PAQR5: variants seen among roughly 807,000 people sequenced by gnomAD.
PAQR5 encodes membrane progestin receptor gamma.
PAQR5 carries 20 observed loss-of-function variants against 34.5 expected under a neutral mutation model. The observed-to-expected ratio is 0.58, with a 90% CI of 0.41 to 0.84. The LOEUF (loss-of-function observed/expected upper bound fraction) is 0.84, where lower values mean the gene tolerates loss of function less well. Among genes scored for constraint, PAQR5 ranks in the 40% least tolerant of loss-of-function variants. The probability of loss-of-function intolerance (pLI) is 0.00; values close to 1 mark genes in which losing one functional copy is unlikely to be tolerated. For missense variants in PAQR5, 378 were observed against 412.7 expected (o/e 0.92, Z 0.73); for synonymous variants, 131 against 155.6 (o/e 0.84, Z 1.18).
Position 69,385,029 on chromosome 15 carries a change from G to A in PAQR5, c.385+147G>A, listed in dbSNP as rs114465346. The A allele has an allele frequency of 5.1e-3, 3,242 of 633,992 alleles. 90 individuals carry two copies. In the African/African-American group the frequency reaches 0.053, roughly 10 times the overall value. 39.3% of individuals were successfully genotyped at this position (633,992 alleles called of 1,614,324 possible). ...GTGCCCCTGTCCAGGTTCCCAATGG[G>A]TGTTTTATAAGAAACTGTCCATAAG... On this transcript the variant is annotated intron_variant, in intron 5 of 8. Transcript: ENST00000395407. This position sits in a 1 kb window ranked among gnomAD's most constrained non-coding sequence, Gnocchi z 4.7.
chr15:69,337,407 T>C lies in PAQR5; in HGVS notation c.-210T>C, dbSNP rs908720167. ...TGGAATGGCATGCTTCCTTTAAAGA[T>C]GAAAGTTGACTTTTAGAGCCAATTA... On this transcript the variant is annotated 5_prime_UTR_variant, in exon 2 of 9. The change abolishes an upstream ATG in the 5' untranslated region. Coordinates refer to ENST00000395407, the MANE Select transcript of PAQR5 (RefSeq NM_017705.4). 1.5e-4 allele frequency: 23 copies of C among 152,416 alleles called. No individual in the cohort carries two copies. Among genetic ancestry groups the C allele is most frequent in the African/African-American group, 4.8e-4 (20 of 41,594 alleles). The allele number at this position is 152,416 out of a possible 1,614,324, so 9.4% of individuals were successfully genotyped here. A position where few individuals can be genotyped will look rare whatever the true frequency, so the allele number is the denominator to read the frequency against.
intron 7 of PAQR5, among the ~76,000 whole-genome samples, chr15:69,398,310 G>T (rs1294758777): frequency 6.6e-6 from 1 of 152,162 alleles, no homozygotes; most frequent in African/African-American, 2.4e-5. Context: ...GAAGGGGAAA[G>T]TCCACGCACT....
intron 1 of PAQR5, among the ~76,000 whole-genome samples, chr15:69,304,893 C>A (rs1368161703): frequency 1.3e-5 from 2 of 152,202 alleles, no homozygotes; most frequent in African/African-American, 4.8e-5. Context: ...CACTAGCTTG[C>A]CACTTGTTTT....
At chr15:69,355,337 TTTCTTTTTTTCTTTCTTTCTTTC>T (rs543701553) in intron 2 of PAQR5, among the ~76,000 whole-genome samples, 253 of 48,724 alleles carry the variant, frequency 5.2e-3, no homozygotes, top group African/African-American at 0.014. Context: ...TCTTTCTTTC[TTTCTTTTTTTCTTTCTTTCTTTC>T]TTTCTTTCTT....
chr15:69,305,528 A>G (rs369854412), intron 1 of PAQR5, among the ~76,000 whole-genome samples: 17 of 151,614 alleles, frequency 1.1e-4, no homozygotes, highest in African/African-American at 3.6e-4. Context: ...CGAGGCTCGG[A>G]GTGAGGGGGA....
intron 2 of PAQR5, among the ~76,000 whole-genome samples, chr15:69,352,345 G>A (rs2054941866): frequency 6.6e-6 from 1 of 152,180 alleles, no homozygotes; most frequent in African/African-American, 2.4e-5. Context: ...AATGTTATCT[G>A]ATCCACCAAG....
chr15:69,386,127 T>C (rs1595925587), intron 5 of PAQR5, among the ~76,000 whole-genome samples: 1 of 149,644 alleles, frequency 6.7e-6, no homozygotes, highest in African/African-American at 2.5e-5. Context: ...ATACACACAA[T>C]ACACTCACAT....
At chr15:69,360,191 G>A (rs924725779) in intron 3 of PAQR5, 60 bp downstream of exon 3, 48 of 1,267,918 alleles carry the variant, frequency 3.8e-5, no homozygotes, top group African/African-American at 2.2e-4. Context: ...CTTGGCCTCC[G>A]CAATGGGGGG....
chr15:69,324,269 T>G (rs1051110662), intron 1 of PAQR5, among the ~76,000 whole-genome samples: 1 of 151,990 alleles, frequency 6.6e-6, no homozygotes, highest in African/African-American at 2.4e-5. Flanking sequence ...AGGAGGTGGG[T>G]CAGAGCTGGA....
intron 1 of PAQR5, among the ~76,000 whole-genome samples, chr15:69,308,970 A>G (rs1485328860): frequency 6.6e-6 from 1 of 152,180 alleles, no homozygotes; most frequent in Non-Finnish European, 1.5e-5. Context: ...AGTGCTAAGG[A>G]AATCCCCCAG....
intron 2 of PAQR5, among the ~76,000 whole-genome samples, chr15:69,341,927 CAAA>C (rs71149907): frequency 2.2e-5 from 3 of 135,114 alleles, no homozygotes; most frequent in African/African-American, 2.8e-5. Context: ...GACCCTGTCT[CAAA>C]AAAAAAAAAA....
intron 3 of PAQR5, among the ~76,000 whole-genome samples, chr15:69,367,802 G>A (rs2055440978): frequency 6.6e-6 from 1 of 152,218 alleles, no homozygotes; most frequent in South Asian, 2.1e-4. Flanking sequence ...TTGTGCAGAA[G>A]GAGAAGCTGC....
intron 3 of PAQR5, among the ~76,000 whole-genome samples, chr15:69,373,820 T>C (rs570972182): frequency 6.6e-6 from 1 of 152,252 alleles, no homozygotes; most frequent in Non-Finnish European, 1.5e-5. Flanking sequence ...GCCAGACTGG[T>C]CTCGAACTCC....
intron 1 of PAQR5, among the ~76,000 whole-genome samples, chr15:69,325,992 C>T (rs140598409): frequency 3.3e-5 from 5 of 152,296 alleles, no homozygotes; most frequent in African/African-American, 1.2e-4. Context: ...ACTTTTCTCT[C>T]CCTCTGAAAT....
Position 69,374,882 on chromosome 15 carries a change from G to A in PAQR5, c.52-5001G>A, listed in dbSNP as rs2055663465. On this transcript the variant is annotated intron_variant, in intron 3 of 8. Transcript: ENST00000395407. ...GGAACTGGATTCTGGGCAGGGAGGT[G>A]ACAGCACGATGCTGGGGTGGGAGTC... Among the ~76,000 whole-genome samples, 3 of 152,098 alleles carry A rather than the reference G, an allele frequency of 2.0e-5. No individual in the cohort carries two copies. In the South Asian group the frequency reaches 6.2e-4, roughly 31 times the overall value.
chr15:69,384,909 C>T, intron 5 of PAQR5, 27 bp downstream of exon 5: 4 of 1,582,796 alleles, frequency 2.5e-6, no homozygotes, highest in South Asian at 1.1e-5. Context: ...TCTTGCTTTC[C>T]TTCCCCTGCA....
chr15:69,329,546 G>A (rs1305818481), intron 1 of PAQR5, among the ~76,000 whole-genome samples: 5 of 139,116 alleles, frequency 3.6e-5, no homozygotes, highest in Non-Finnish European at 6.0e-5. Context: ...GTGCAGTGGT[G>A]CAATCTTGGC....
intron 3 of PAQR5, among the ~76,000 whole-genome samples, chr15:69,369,895 CTT>C (rs1168535318): frequency 6.6e-6 from 1 of 152,158 alleles, no homozygotes; most frequent in Non-Finnish European, 1.5e-5. Context: ...GGTTTCATCT[CTT>C]GTTTACAAAA....
chr15:69,302,547 T>A (rs2053628552), intron 1 of PAQR5, among the ~76,000 whole-genome samples: 1 of 152,010 alleles, frequency 6.6e-6, no homozygotes, highest in South Asian at 2.1e-4. Flanking sequence ...TGTAGAAGAG[T>A]CACTGGCAGT....
Sources: allele counts gnomAD v4.1 joint callset (sites outside exome capture counted in the v4.1 genomes callset), GRCh38; gene constraint gnomAD v4.1.1; non-coding constraint Gnocchi (gnomAD v3.1); transcripts MANE v1.5; gene names NCBI Gene and HGNC (gene_info 2026-07-23, HGNC 2026-07-21).